The following L3HYPDH variants were observed in gnomAD, a reference collection of about 807,000 sequenced individuals.
L3HYPDH encodes the protein trans-L-3-hydroxyproline dehydratase.
L3HYPDH carries 32 observed loss-of-function variants against 26.5 expected under a neutral mutation model. That is an observed-to-expected ratio of 1.21 (90% confidence interval 0.91 to 1.62). The LOEUF (loss-of-function observed/expected upper bound fraction) is 1.62, where lower values mean the gene tolerates loss of function less well. L3HYPDH is among the 40% of genes most tolerant of loss of function. L3HYPDH has a pLI of 0.00. For synonymous variants in L3HYPDH, 215 were observed against 196.6 expected (o/e 1.09, Z -0.78); for missense variants, 554 against 476.4 (o/e 1.16, Z -1.52).
At chr14:59,481,876 TAA>T (rs923994395) in intron 1 of L3HYPDH, among the ~76,000 whole-genome samples, 2 of 152,334 alleles carry the variant, frequency 1.3e-5, no homozygotes, top group African/African-American at 2.4e-5. Context: ...CTATTTCTCC[TAA>T]AAGAGTTGTT....
At chr14:59,471,901 T>C (rs887688000), downstream of L3HYPDH, among the ~76,000 whole-genome samples, 4 of 152,172 alleles carry the variant, frequency 2.6e-5, no homozygotes, top group Admixed American at 2.6e-4. Context: ...GTGAAAAACA[T>C]CCTGTTTTTG....
chr14:59,483,162 A>C (rs752394481), intron 1 of L3HYPDH, among the ~76,000 whole-genome samples: 2 of 152,130 alleles, frequency 1.3e-5, no homozygotes. Context: ...TAACAAAAAA[A>C]CTCTATGAGG....
At chr14:59,468,451 ATCT>A (rs139038417), downstream of L3HYPDH, among the ~76,000 whole-genome samples, 19,952 of 151,970 alleles carry the variant, frequency 0.13, 1,584 homozygotes, top group African/African-American at 0.23. Context: ...GGAAAGCTCC[ATCT>A]TCTTCTTCCC....
chr14:59,476,159 A>G lies in L3HYPDH; in HGVS notation c.734T>C (p.Leu245Ser), dbSNP rs1594908661. The change falls in exon 3 of 5, where the codon TTA becomes TCA. Residue 245 changes from leucine (L) to serine (S), a missense_variant. Coordinates refer to ENST00000247194, the MANE Select transcript of L3HYPDH (RefSeq NM_144581.2). ...GGTATAAGCATCTTTTCCATCTGTTAATATAGTTCCATATAAAAAGGCAAG... is the reference window on the plus strand; with the variant it reads ...GGTATAAGCATCTTTTCCATCTGTTGATATAGTTCCATATAAAAAGGCAAG... ...EDLAFLYGTI[L>S]TDGKDAYTKE... is the part of the protein sequence containing the mutation. The G allele has an allele frequency of 6.2e-7, 1 of 1,613,518 alleles. No individual in the cohort carries two copies.
At chr14:59,489,502 G>A in the L3HYPDH span, among the ~76,000 whole-genome samples, 21,650 of 152,128 alleles carry the variant, frequency 0.14, 1,969 homozygotes, top group African/African-American at 0.25. Flanking sequence ...TTTGGTCACA[G>A]CCACTTAAGG....
the L3HYPDH span, among the ~76,000 whole-genome samples, chr14:59,490,122 A>G: frequency 1.3e-5 from 2 of 151,852 alleles, no homozygotes; most frequent in Non-Finnish European, 2.9e-5. Flanking sequence ...GGGTCTCTCT[A>G]TGTTGCCCAG....
the L3HYPDH span, among the ~76,000 whole-genome samples, chr14:59,502,677 G>T: frequency 1.3e-5 from 2 of 151,316 alleles, no homozygotes; most frequent in African/African-American, 4.8e-5. Flanking sequence ...ATTAGTTTTG[G>T]CGCTTTTATC....
the L3HYPDH span, among the ~76,000 whole-genome samples, chr14:59,498,439 T>G: frequency 6.6e-6 from 1 of 152,354 alleles, no homozygotes; most frequent in East Asian, 1.9e-4. Context: ...TATCCCTGGT[T>G]GTTTCCCTTG....
chr14:59,480,373 G>C (rs1039256871), intron 1 of L3HYPDH, among the ~76,000 whole-genome samples: 21 of 152,192 alleles, frequency 1.4e-4, no homozygotes, highest in African/African-American at 5.1e-4. Context: ...CAGAGGGCAA[G>C]GACCAGGTAG....
Position 59,473,028 on chromosome 14 carries a change from C to T in L3HYPDH, c.1002G>A (p.Thr334=), listed in dbSNP as rs759224568. ...IVEVSGQAHY[T]GTASFIIEDD... ...CTTCTATTATAAAGCTTGCTGTACCCGTGTAATGGGCTTGTCCTGATACTT... is the reference window on the plus strand; with the variant it reads ...CTTCTATTATAAAGCTTGCTGTACCTGTGTAATGGGCTTGTCCTGATACTT... Residue 334 remains threonine, a synonymous_variant, in exon 5 of 5, where the codon ACG becomes ACA. Coordinates refer to ENST00000247194, the MANE Select transcript of L3HYPDH (RefSeq NM_144581.2). 42 of 1,608,480 alleles carry T rather than the reference C, an allele frequency of 2.6e-5. No individual in the cohort carries two copies. Among genetic ancestry groups the T allele is most frequent in the Middle Eastern group, 1.6e-4 (1 of 6,072 alleles).
At chr14:59,474,505 C>T (rs1889491411) in intron 4 of L3HYPDH, 2 of 700,226 alleles carry the variant, frequency 2.9e-6, no homozygotes. Context: ...ATTGCAATCC[C>T]AGATTCTTCT....
At chr14:59,498,839 A>C in the L3HYPDH span, 1 of 1,612,984 alleles carries the variant, frequency 6.2e-7, no homozygotes, top group Admixed American at 1.7e-5. Flanking sequence ...TCGATTTAAA[A>C]GTATTTATGC....
chr14:59,485,318 C>A, upstream of L3HYPDH: 2 of 487,128 alleles, frequency 4.1e-6, no homozygotes, highest in Non-Finnish European at 6.9e-6. Flanking sequence ...TAATTTAGAA[C>A]ATTGTGATTA....
rs765014044 is a variant in L3HYPDH at position 59,484,042 on chromosome 14, ACGCC to A, written c.271_274del (p.Gly91SerfsTer51). The stretch of plus-strand genomic sequence containing the variant: ...GTAGCCCTCGTTGTGCAGGAACAGG[ACGCC>A]CAGATGCGCGTCCGGCAGCTCGCTC... On this transcript the variant is annotated frameshift_variant, in exon 1 of 5. Coordinates refer to ENST00000247194, the MANE Select transcript of L3HYPDH (RefSeq NM_144581.2). LOFTEE classifies it high-confidence loss of function. The A allele has an allele frequency of 6.2e-7, 1 of 1,606,404 alleles. No homozygotes were observed. The highest frequency in any genetic ancestry group is 1.7e-5 in the Admixed American group (1 of 59,906).
chr14:59,498,312 T>C, the L3HYPDH span, among the ~76,000 whole-genome samples: 4 of 152,342 alleles, frequency 2.6e-5, no homozygotes, highest in East Asian at 7.7e-4. Flanking sequence ...CTGCATAATA[T>C]TGCAGCATGA....
At chr14:59,504,252 A>G in the L3HYPDH span, 1 of 594,178 alleles carries the variant, frequency 1.7e-6, no homozygotes, top group Non-Finnish European at 3.0e-6. Flanking sequence ...AAAATGCAAA[A>G]CTCTGTAATA....
chr14:59,473,081 A>G lies in L3HYPDH; in HGVS notation c.949T>C (p.Cys317Arg). 1 of 1,591,286 alleles carries G rather than the reference A, an allele frequency of 6.3e-7. No individual in the cohort carries two copies. The highest frequency in any genetic ancestry group is 8.5e-7 in the Non-Finnish European group (1 of 1,172,808). The change falls in exon 5 of 5, where the codon TGT (cysteine) becomes CGT (arginine). Residue 317 changes from cysteine to arginine, a missense_variant. By Grantham distance (180) the Cys-to-Arg change is radical. Coordinates refer to ENST00000247194, the MANE Select transcript of L3HYPDH (RefSeq NM_144581.2). ...FTGKAVREAKCGDFKAVIVEV... is the reference protein window; with the variant it reads ...FTGKAVREAKRGDFKAVIVEV... ...ACTATAACAGCTTTAAAATCACCAC[A>G]TTTCGCTTCCTGAAAAAAGATGAAG...
chr14:59,469,527 G>A (rs534658276), downstream of L3HYPDH, among the ~76,000 whole-genome samples: 26 of 125,628 alleles, frequency 2.1e-4, no homozygotes, highest in African/African-American at 6.8e-4. Context: ...CTGCACTCTC[G>A]CCCTGGCGAC....
upstream of L3HYPDH, among the ~76,000 whole-genome samples, chr14:59,488,308 T>G (rs932201968): frequency 6.6e-6 from 1 of 152,168 alleles, no homozygotes; most frequent in African/African-American, 2.4e-5. Flanking sequence ...TAAAAATAAC[T>G]GACATGGCTT....
Sources: allele counts gnomAD v4.1 joint callset (sites outside exome capture counted in the v4.1 genomes callset), GRCh38; gene constraint gnomAD v4.1.1; transcripts MANE v1.5; gene names NCBI Gene and HGNC (gene_info 2026-07-23, HGNC 2026-07-21).